MDM4: variants seen among roughly 807,000 people sequenced by gnomAD.
The protein encoded by MDM4 is protein Mdm4.
A neutral mutation model predicts 60.2 loss-of-function variants in MDM4; 2 were observed. That is an observed-to-expected ratio of 0.03 (90% CI 0.01 to 0.10). The LOEUF (loss-of-function observed/expected upper bound fraction) is 0.10. MDM4 is among the 10% of genes least tolerant of loss of function. MDM4 has a pLI of 1.00. For missense variants in MDM4, 447 were observed against 577.5 expected (o/e 0.77, Z 2.32); for synonymous variants, 202 against 198.1 (o/e 1.02, Z -0.17).
chr1:204,553,866 A>C lies in MDM4; in HGVS notation c.*4184A>C, dbSNP rs1195202991. The stretch of plus-strand genomic sequence containing the variant: ...TGGTATGCCATTTCCCCAGTCTACC[A>C]ATGGAATAGTATGGGTTTCTAATCC... On this transcript the variant is annotated 3_prime_UTR_variant, in exon 11 of 11. Coordinates refer to ENST00000367182, the MANE Select transcript of MDM4 (RefSeq NM_002393.5). 1.4e-5 allele frequency: 3 copies of C among 221,776 alleles called. No homozygotes were observed. Among genetic ancestry groups the C allele is most frequent in the Non-Finnish European group, 2.7e-5 (3 of 110,922 alleles). 13.7% of individuals were successfully genotyped at this position (221,776 alleles called of 1,614,324 possible).
rs35340106 is a variant in MDM4 at position 204,520,277 on chromosome 1, CAAAAA to C, written c.-36+3783_-36+3787del. Among the ~76,000 whole-genome samples, 420 of 65,528 alleles carry C rather than the reference CAAAAA, an allele frequency of 6.4e-3. 2 individuals are homozygous for C. The highest frequency in any genetic ancestry group is 0.019 in the African/African-American group (391 of 20,444). The allele number at this position is 65,528 out of a possible 152,430, so 43.0% of individuals were successfully genotyped here. On this transcript the variant is annotated intron_variant, in intron 1 of 10. Transcript: ENST00000367182. ...TGTGCGACAGAGCGAGACTCCATCTCAAAAAAAAAAAAAAAAAAATGAATTTTGAT... is the reference window on the plus strand; with the variant it reads ...TGTGCGACAGAGCGAGACTCCATCTCAAAAAAAAAAAAAATGAATTTTGAT...
intron 1 of MDM4, among the ~76,000 whole-genome samples, chr1:204,519,043 TCA>T (rs961083558): frequency 1.3e-5 from 2 of 152,142 alleles, no homozygotes; most frequent in African/African-American, 4.8e-5. Context: ...TGTACAAAAC[TCA>T]CAGTGCTCCA....
In MDM4 at chr1:204,549,494, G is replaced by A. The variant is rs2102458194; in HGVS notation, c.1285G>A (p.Asp429Asn). 6.2e-7 allele frequency: 1 copy of A among 1,610,428 alleles called. No individual in the cohort carries two copies. Among genetic ancestry groups the A allele is most frequent in the Non-Finnish European group, 8.5e-7 (1 of 1,178,954 alleles). The part of the protein sequence containing the change: ...EQRTDTENME[D>N]CQNLLKPCSL... ...GAGAACAGATACAGAAAACATGGAG[G>A]ATTGCCAGAATCTCTTGAAGCCATG... Residue 429 changes from aspartate (D) to asparagine (N), a missense_variant, in exon 11 of 11, where the codon GAT becomes AAT. Physicochemically the swap from Asp to Asn is conservative, Grantham distance 23. This residue lies in a region of MDM4 where 117 missense variants were observed against 114.5 expected (regional missense o/e 1.02). Coordinates refer to ENST00000367182, the MANE Select transcript of MDM4 (RefSeq NM_002393.5).
At chr1:204,547,968 C>T (rs893420186) in intron 10 of MDM4, among the ~76,000 whole-genome samples, 10 of 152,190 alleles carry the variant, frequency 6.6e-5, no homozygotes, top group South Asian at 2.1e-4. Flanking sequence ...GTGATCCGCC[C>T]GCCTCAGCCT....
chr1:204,533,873 C>G (rs1227011973), intron 5 of MDM4, among the ~76,000 whole-genome samples: 5 of 150,976 alleles, frequency 3.3e-5, no homozygotes, highest in Non-Finnish European at 7.4e-5. Context: ...GCCTTTACCT[C>G]CTGGGCTTAA....
intron 3 of MDM4, among the ~76,000 whole-genome samples, chr1:204,527,954 G>A (rs1013045301): frequency 3.3e-5 from 5 of 151,670 alleles, no homozygotes; most frequent in Non-Finnish European, 4.4e-5. Flanking sequence ...AAATCTGGAG[G>A]CATTTCTGAT....
At position 204,543,003 on chromosome 1, in the gene MDM4, G is replaced by A. The variant is rs1371351036; in HGVS notation, c.672+59G>A. The A allele has an allele frequency of 1.0e-5, 14 of 1,399,182 alleles. No individual in the cohort carries two copies. In the East Asian group the frequency reaches 3.2e-4, roughly 32 times the overall value. 86.7% of individuals were successfully genotyped at this position (1,399,182 alleles called of 1,614,324 possible). On this transcript the variant is annotated intron_variant, in intron 8 of 10. Coordinates refer to ENST00000367182, the MANE Select transcript of MDM4 (RefSeq NM_002393.5). ...TTCTTTTGAAAGGGTAACATTCTTGGTTACTCTTGACCACACATTATATTC... is the reference window on the plus strand; with the variant it reads ...TTCTTTTGAAAGGGTAACATTCTTGATTACTCTTGACCACACATTATATTC...
At chr1:204,528,601 G>C (rs761181885) in intron 3 of MDM4, among the ~76,000 whole-genome samples, 1 of 152,142 alleles carries the variant, frequency 6.6e-6, no homozygotes, top group Non-Finnish European at 1.5e-5. Context: ...CATGGCCGTC[G>C]GGACATTCAG....
Position 204,551,253 on chromosome 1 carries a change from C to T in MDM4, c.*1571C>T. ...TACAGACAGCATTTTGCCATGTTGCCCAGGCTGGTCCCAAACTTCTAGCCT... is the reference window on the plus strand; with the variant it reads ...TACAGACAGCATTTTGCCATGTTGCTCAGGCTGGTCCCAAACTTCTAGCCT... On this transcript the variant is annotated 3_prime_UTR_variant, in exon 11 of 11. Coordinates refer to ENST00000367182, the MANE Select transcript of MDM4 (RefSeq NM_002393.5). 1 of 222,876 alleles carries T rather than the reference C, an allele frequency of 4.5e-6. No homozygotes were observed. The highest frequency in any genetic ancestry group is 9.0e-6 in the Non-Finnish European group (1 of 111,670). The allele number at this position is 222,876 out of a possible 1,614,324, so 13.8% of individuals were successfully genotyped here. A position where few individuals can be genotyped will look rare whatever the true frequency, so the allele number is the denominator to read the frequency against.
chr1:204,523,503 C>CTTTTTA (rs1558310755), intron 1 of MDM4, among the ~76,000 whole-genome samples: 2 of 82,004 alleles, frequency 2.4e-5, no homozygotes, highest in Non-Finnish European at 4.1e-5. Context: ...TTTTTTTTTG[C>CTTTTTA]GACAGGGTAT....
intron 5 of MDM4, among the ~76,000 whole-genome samples, chr1:204,533,386 T>TTTTGAAACAGGG (rs35730239): frequency 2.0e-5 from 3 of 151,896 alleles, no homozygotes; most frequent in Non-Finnish European, 4.4e-5. Context: ...TCTTTTTTTC[T>TTTTGAAACAGGG]TCTCAGGTTG....
At chr1:204,519,501 C>T (rs1215321017) in intron 1 of MDM4, among the ~76,000 whole-genome samples, 3 of 152,002 alleles carry the variant, frequency 2.0e-5, no homozygotes, top group African/African-American at 7.2e-5. Context: ...GAGCGAAACT[C>T]CGTCTCAAAA....
At position 204,541,415 on chromosome 1, in the gene MDM4, G is replaced by A. The variant is rs532996048; in HGVS notation, c.512-1369G>A. 1.1e-4 allele frequency among the ~76,000 whole-genome samples: 16 copies of A among 152,182 alleles called. 1 individual carries two copies. In the South Asian group the frequency reaches 2.9e-3, roughly 28 times the overall value. ...CCAAGAGGTGGAGATTGCAGTGAGCGGAGGTTGCAGTGAATCAATATCATG... is the reference window on the plus strand; with the variant it reads ...CCAAGAGGTGGAGATTGCAGTGAGCAGAGGTTGCAGTGAATCAATATCATG... On this transcript the variant is annotated intron_variant, in intron 7 of 10. Transcript: ENST00000367182.
At chr1:204,537,187 T>C in intron 5 of MDM4, 1 of 477,694 alleles carries the variant, frequency 2.1e-6, no homozygotes, top group Non-Finnish European at 3.7e-6. Flanking sequence ...TTTAGCTATT[T>C]TTCACTGTTT....
In MDM4 at chr1:204,551,900, G is replaced by T. The variant is rs1209091623; in HGVS notation, c.*2218G>T. On this transcript the variant is annotated 3_prime_UTR_variant, in exon 11 of 11. Transcript: ENST00000367182. ...CTAGACAGGGGTGTCCAATCTTTTG[G>T]CTTCCCTGGTCCACAATGGAAGAAG... The T allele has an allele frequency of 5.2e-6, 1 of 193,778 alleles. No homozygotes were observed. Among genetic ancestry groups the T allele is most frequent in the African/African-American group, 2.3e-5 (1 of 42,740 alleles). The allele number at this position is 193,778 out of a possible 1,614,324, so 12.0% of individuals were successfully genotyped here. A position where few individuals can be genotyped will look rare whatever the true frequency, so the allele number is the denominator to read the frequency against.
intron 1 of MDM4, among the ~76,000 whole-genome samples, chr1:204,519,475 CCAACCTGGG>C (rs1230005299): frequency 6.6e-6 from 1 of 151,966 alleles, no homozygotes; most frequent in Non-Finnish European, 1.5e-5. Flanking sequence ...CCATTGCACT[CCAACCTGGG>C]CAACAAGAGC....
chr1:204,547,579 GT>G (rs1271559500), intron 10 of MDM4, among the ~76,000 whole-genome samples: 1 of 152,176 alleles, frequency 6.6e-6, no homozygotes, highest in Non-Finnish European at 1.5e-5. Flanking sequence ...TGTTTCTGGT[GT>G]TGATCCTTCC....
At position 204,551,735 on chromosome 1, in the gene MDM4, A is replaced by G; in HGVS notation, c.*2053A>G. ...ATTGTCAAACTTAAGGATCATAAAA[A>G]TCATGAGGGTTGCTTGTTAAAAATG... is the stretch of plus-strand genomic sequence containing the variant. On this transcript the variant is annotated 3_prime_UTR_variant, in exon 11 of 11. Transcript: ENST00000367182. 4.4e-6 allele frequency: 1 copy of G among 229,824 alleles called. No homozygotes were observed. Among genetic ancestry groups the G allele is most frequent in the Non-Finnish European group, 8.6e-6 (1 of 116,014 alleles). The allele number at this position is 229,824 out of a possible 1,614,324, so 14.2% of individuals were successfully genotyped here.
At chr1:204,520,277 C>CAA (rs35340106) in intron 1 of MDM4, among the ~76,000 whole-genome samples, 87 of 65,408 alleles carry the variant, frequency 1.3e-3, no homozygotes, top group South Asian at 5.3e-3. Context: ...GACTCCATCT[C>CAA]AAAAAAAAAA....
Sources: gnomAD v4.1 joint callset for allele counts (sites outside exome capture counted in the v4.1 genomes callset) on GRCh38, gnomAD v4.1.1 for gene constraint, gnomAD v4.1.1 regional missense constraint, MANE v1.5 for transcripts, NCBI Gene and HGNC (gene_info 2026-07-23, HGNC 2026-07-21) for gene names.